Variants in LRSAM1 observed in about 807,000 individuals in gnomAD.
LRSAM1 encodes E3 ubiquitin-protein ligase LRSAM1.
In LRSAM1, 96 loss-of-function variants were observed where a neutral mutation model predicts 118.1. The ratio of observed to expected loss-of-function variants is 0.81; its 90% CI spans 0.69 to 0.96. LRSAM1 has a LOEUF of 0.96. Among genes scored for constraint, LRSAM1 ranks in the 40% least tolerant of loss-of-function variants. LRSAM1 has a pLI of 0.00. For synonymous variants in LRSAM1, 322 were observed against 364.2 expected (o/e 0.88, Z 1.32); for missense variants, 804 against 915.5 (o/e 0.88, Z 1.57).
At position 127,491,277 on chromosome 9, in the gene LRSAM1, G is replaced by A; in HGVS notation, c.1485G>A (p.Leu495=). ...AGCTGGAGTTAAAGAGGAAGTCCCTGGACACAGAGTCACTCCAGGTATGTA... is the reference window on the plus strand; with the variant it reads ...AGCTGGAGTTAAAGAGGAAGTCCCTAGACACAGAGTCACTCCAGGTATGTA... ...LTQLELKRKS[L]DTESLQEMIS... is the part of the protein sequence containing the mutation. The change falls in exon 20 of 26, where the codon CTG becomes CTA. Residue 495 remains leucine, a synonymous_variant. Coordinates refer to ENST00000300417, the MANE Select transcript of LRSAM1 (RefSeq NM_001005373.4). 1 of 1,613,732 alleles carries A rather than the reference G, an allele frequency of 6.2e-7. No individual in the cohort carries two copies. Among genetic ancestry groups the A allele is most frequent in the Non-Finnish European group, 8.5e-7 (1 of 1,179,926 alleles).
At chr9:127,455,767 C>T (rs772694261) in intron 5 of LRSAM1, 147 bp downstream of exon 5, 58 of 782,046 alleles carry the variant, frequency 7.4e-5, no homozygotes, top group Non-Finnish European at 1.1e-4. Context: ...GGTGTTTTCA[C>T]AGATAGGAGA....
chr9:127,455,512 A>G (rs1167752133), intron 4 of LRSAM1, 64 bp from the exon 5 acceptor site: 21 of 1,530,878 alleles, frequency 1.4e-5, no homozygotes, highest in Non-Finnish European at 1.8e-5. Context: ...CGTGAATGCC[A>G]CTCAGAGAAC....
intron 9 of LRSAM1, among the ~76,000 whole-genome samples, chr9:127,464,667 A>G (rs1834866733): frequency 6.6e-6 from 1 of 151,624 alleles, no homozygotes; most frequent in Non-Finnish European, 1.5e-5. Context: ...TCTTTGAGAC[A>G]GGCTCTCATG....
chr9:127,471,796 G>A (rs1326509586), intron 10 of LRSAM1, among the ~76,000 whole-genome samples: 3 of 151,190 alleles, frequency 2.0e-5, no homozygotes, highest in African/African-American at 4.9e-5. Flanking sequence ...CAAAAAAAAA[G>A]AAAAAAGAAC....
chr9:127,458,908 G>T (rs1834628722), intron 6 of LRSAM1, 95 bp from the exon 7 acceptor site: 6 of 1,142,912 alleles, frequency 5.2e-6, no homozygotes, highest in Non-Finnish European at 7.9e-6. Flanking sequence ...CTGCACTGGG[G>T]GTGTGAGGTG....
chr9:127,482,823 C>CAGAG, intron 15 of LRSAM1, 127 bp from the exon 16 acceptor site: 1 of 827,494 alleles, frequency 1.2e-6, no homozygotes, highest in African/African-American at 1.7e-5. Flanking sequence ...GGTAGGCATC[C>CAGAG]AGAGAGCCCA....
At chr9:127,487,135 G>A (rs1477505106) in intron 17 of LRSAM1, among the ~76,000 whole-genome samples, 1 of 147,690 alleles carries the variant, frequency 6.8e-6, no homozygotes, top group East Asian at 2.0e-4. Flanking sequence ...AGTGAGCCAC[G>A]ATCACACCAC....
intron 22 of LRSAM1, among the ~76,000 whole-genome samples, chr9:127,495,720 A>C (rs1409055898): frequency 6.6e-6 from 1 of 152,156 alleles, no homozygotes; most frequent in African/African-American, 2.4e-5. Flanking sequence ...GAGGCAGTTG[A>C]AACAGCCCCC....
chr9:127,476,179 A>T (rs533989085), intron 11 of LRSAM1, among the ~76,000 whole-genome samples: 1 of 152,092 alleles, frequency 6.6e-6, no homozygotes, highest in Non-Finnish European at 1.5e-5. Context: ...ATGCCCCCCA[A>T]ATGTTTGTCA....
chr9:127,497,346 GCTCCAGC>G lies in LRSAM1; in HGVS notation c.1912+16_1912+22del, dbSNP rs1169911403. On this transcript the variant is annotated intron_variant, in intron 24 of 25. Transcript: ENST00000300417. ...CAGGATCCAGCCAGGTACAAGCACA[GCTCCAGC>G]CTCTTCCAGGCAGGGCTCCAGCCGT... is the stretch of plus-strand genomic sequence containing the variant. 6.2e-7 allele frequency: 1 copy of G among 1,609,696 alleles called. No individual in the cohort carries two copies. The highest frequency in any genetic ancestry group is 1.3e-5 in the African/African-American group (1 of 74,930).
rs759326900 is a variant in LRSAM1 at position 127,462,319 on chromosome 9, T to C, written c.474T>C (p.Ser158=). The C allele has an allele frequency of 2.5e-6, 4 of 1,614,060 alleles. No individual in the cohort carries two copies. Among genetic ancestry groups the C allele is most frequent in the Non-Finnish European group, 3.4e-6 (4 of 1,180,012 alleles). Residue 158 remains serine, a synonymous_variant, in exon 9 of 26, where the codon AGT becomes AGC. Coordinates refer to ENST00000300417, the MANE Select transcript of LRSAM1 (RefSeq NM_001005373.4). Reference sequence around the variant, plus strand: ...GAAGCCTGCGTACCCTCAACATCAGTGGAAACGAGATCCAGAGATTGCCGC... The same window carrying C: ...GAAGCCTGCGTACCCTCAACATCAGCGGAAACGAGATCCAGAGATTGCCGC... The part of the protein sequence containing the change: ...ELRSLRTLNI[S]GNEIQRLPQM...
At position 127,461,219 on chromosome 9, in the gene LRSAM1, T is replaced by A. The variant is rs542497718; in HGVS notation, c.368T>A (p.Ile123Asn). The A allele has an allele frequency of 1.2e-6, 2 of 1,612,080 alleles. No homozygotes were observed. Among genetic ancestry groups the A allele is most frequent in the South Asian group, 2.2e-5 (2 of 91,054 alleles). The stretch of plus-strand genomic sequence containing the variant: ...CAACTGATGCAGCTCCCACGTTCCA[T>A]TGGGAACCTGACCCAGCTCCAGACT... ...RNQLMQLPRS[I>N]GNLTQLQTLN... Residue 123 changes from isoleucine to asparagine, a missense_variant, in exon 8 of 26, where the codon ATT (isoleucine) becomes AAT (asparagine). Ile to Asn is a moderately radical substitution (Grantham distance 149). Coordinates refer to ENST00000300417, the MANE Select transcript of LRSAM1 (RefSeq NM_001005373.4).
chr9:127,500,968 C>A, intron 24 of LRSAM1, 42 bp from the exon 25 acceptor site: 7 of 1,613,288 alleles, frequency 4.3e-6, no homozygotes, highest in Non-Finnish European at 5.9e-6. Context: ...TTAGGGTCAG[C>A]GGAGATGACC....
chr9:127,472,162 A>T (rs901145104), intron 10 of LRSAM1, among the ~76,000 whole-genome samples: 1 of 150,900 alleles, frequency 6.6e-6, no homozygotes, highest in Non-Finnish European at 1.5e-5. Context: ...GGGTTTCACC[A>T]TGTTGGTCAG....
chr9:127,458,851 G>A (rs368986687), intron 6 of LRSAM1, 152 bp from the exon 7 acceptor site: 30 of 709,880 alleles, frequency 4.2e-5, no homozygotes, highest in Middle Eastern at 4.7e-4. Context: ...AAAATGAGGC[G>A]GGAATGATCA....
At chr9:127,501,740 G>GA (rs1379254761) in intron 25 of LRSAM1, among the ~76,000 whole-genome samples, 2 of 152,182 alleles carry the variant, frequency 1.3e-5, no homozygotes, top group South Asian at 2.1e-4. Flanking sequence ...TCAAAAAAAA[G>GA]AAAAAATCAT....
At position 127,485,321 on chromosome 9, in the gene LRSAM1, G is replaced by C. The variant is rs559221304; in HGVS notation, c.1160-415G>C. Reference sequence around the variant, plus strand: ...ACCTGTAATCCCAGCACTTTGGGAGGCCAAGGCGGGTGGATCACGAGGTCA... The same window carrying C: ...ACCTGTAATCCCAGCACTTTGGGAGCCCAAGGCGGGTGGATCACGAGGTCA... On this transcript the variant is annotated intron_variant, in intron 16 of 25. Coordinates refer to ENST00000300417, the MANE Select transcript of LRSAM1 (RefSeq NM_001005373.4). Among the ~76,000 whole-genome samples the C allele has an allele frequency of 1.8e-3, 268 of 152,146 alleles. 1 individual carries two copies. The highest frequency in any genetic ancestry group is 4.1e-3 in the Admixed American group (63 of 15,282).
chr9:127,479,079 T>C, intron 12 of LRSAM1, 116 bp downstream of exon 12: 2 of 1,127,548 alleles, frequency 1.8e-6, no homozygotes. Context: ...GTCACAGTAA[T>C]GCCTTCCTCT....
Position 127,503,222 on chromosome 9 carries a change from C to A in LRSAM1, c.*323C>A. The stretch of plus-strand genomic sequence containing the variant: ...CCCAGCTGTCTTGACTGAAGGCCAC[C>A]GCCCCTGCAGGAGCTTGGGTCCTCA... On this transcript the variant is annotated 3_prime_UTR_variant, in exon 26 of 26. Transcript: ENST00000300417. 2 of 391,514 alleles carry A rather than the reference C, an allele frequency of 5.1e-6. No individual in the cohort carries two copies. The highest frequency in any genetic ancestry group is 2.1e-5 in the African/African-American group (1 of 48,462). 24.3% of individuals were successfully genotyped at this position (391,514 alleles called of 1,614,324 possible). A position where few individuals can be genotyped will look rare whatever the true frequency, so the allele number is the denominator to read the frequency against.
Sources: gnomAD v4.1 joint callset for allele counts (sites outside exome capture counted in the v4.1 genomes callset) on GRCh38, gnomAD v4.1.1 for gene constraint, MANE v1.5 for transcripts, NCBI Gene and HGNC (gene_info 2026-07-23, HGNC 2026-07-21) for gene names.